The following NCAM2 variants were observed in gnomAD, a reference collection of about 807,000 sequenced individuals.
NCAM2 encodes the protein neural cell adhesion molecule 2.
NCAM2 carries 30 observed loss-of-function variants against 98.1 expected under a neutral mutation model. The observed-to-expected ratio is 0.31, with a 90% CI of 0.23 to 0.41. The LOEUF (loss-of-function observed/expected upper bound fraction) is 0.41, where lower values mean the gene tolerates loss of function less well. Ranked by LOEUF, NCAM2 falls within the 10% of genes least tolerant of loss-of-function variation. The pLI, the probability that NCAM2 is intolerant of heterozygous loss-of-function variation, is 1.00. For synonymous variants in NCAM2, 368 were observed against 342.4 expected (o/e 1.07, Z -0.83); for missense variants, 867 against 1,005.8 (o/e 0.86, Z 1.87).
chr21:21,438,110 A>G (rs1978663706), intron 12 of NCAM2, among the ~76,000 whole-genome samples: 1 of 152,110 alleles, frequency 6.6e-6, no homozygotes, highest in Non-Finnish European at 1.5e-5. Flanking sequence ...TCAACATTTC[A>G]GCTATCTTTT....
chr21:21,436,336 C>G (rs2146052788), intron 12 of NCAM2, among the ~76,000 whole-genome samples: 2 of 152,308 alleles, frequency 1.3e-5, no homozygotes, highest in Middle Eastern at 6.8e-3. Flanking sequence ...CCTTTTAATA[C>G]TTCCCAGAAT....
At chr21:21,454,671 T>A (rs188888959) in intron 12 of NCAM2, among the ~76,000 whole-genome samples, 82 of 152,140 alleles carry the variant, frequency 5.4e-4, no homozygotes, top group African/African-American at 1.8e-3. Context: ...CTAAACTTTG[T>A]GATCCTAGGT....
intron 1 of NCAM2, among the ~76,000 whole-genome samples, chr21:21,017,214 AG>A (rs67629138): frequency 1 from 151,941 of 151,942 alleles, 75,970 homozygotes; most frequent in Non-Finnish European, 1. Flanking sequence ...TCACTAGGTT[AG>A]AGAGATCTAG....
At chr21:21,023,915 TTC>T (rs2064488248) in intron 1 of NCAM2, among the ~76,000 whole-genome samples, 1 of 152,182 alleles carries the variant, frequency 6.6e-6, no homozygotes, top group South Asian at 2.1e-4. Context: ...ACAAATATGT[TTC>T]TGAGGATTTT....
chr21:21,463,143 T>G (rs751538732), intron 12 of NCAM2, among the ~76,000 whole-genome samples: 12 of 152,128 alleles, frequency 7.9e-5, no homozygotes, highest in Non-Finnish European at 1.3e-4. Flanking sequence ...GTAGTTTTCT[T>G]TCAGTCCCTA....
chr21:21,160,980 C>T (rs945768924), intron 1 of NCAM2, among the ~76,000 whole-genome samples: 3 of 151,888 alleles, frequency 2.0e-5, no homozygotes, highest in Admixed American at 6.6e-5. Context: ...TTTCAGTATA[C>T]GTAAGATCAC....
chr21:21,508,432 G>A (rs115106648), intron 15 of NCAM2, among the ~76,000 whole-genome samples: 1 of 152,042 alleles, frequency 6.6e-6, no homozygotes, highest in African/African-American at 2.4e-5. Flanking sequence ...TTTCACAGAA[G>A]TTTTGATTAT....
intron 16 of NCAM2, among the ~76,000 whole-genome samples, chr21:21,528,084 G>A (rs1989426513): frequency 6.6e-6 from 1 of 152,134 alleles, no homozygotes; most frequent in African/African-American, 2.4e-5. Context: ...AGTGAAATAA[G>A]CCAATTTTAA....
At chr21:21,421,447 G>T (rs1000599745) in intron 11 of NCAM2, among the ~76,000 whole-genome samples, 1 of 151,908 alleles carries the variant, frequency 6.6e-6, no homozygotes, top group South Asian at 2.1e-4. Context: ...TCCAGGCTAA[G>T]AATTTGTTTT....
chr21:21,015,327 C>T (rs550655627), intron 1 of NCAM2, among the ~76,000 whole-genome samples: 47 of 152,186 alleles, frequency 3.1e-4, no homozygotes, highest in African/African-American at 1.1e-3. Flanking sequence ...TTGAAAACAC[C>T]GGACATCATT....
intron 9 of NCAM2, among the ~76,000 whole-genome samples, chr21:21,380,910 T>C (rs1434427206): frequency 6.6e-6 from 1 of 152,034 alleles, no homozygotes; most frequent in African/African-American, 2.4e-5. Flanking sequence ...ATACCTCTCT[T>C]TTTCTCTGCT....
At chr21:21,279,035 T>C in intron 1 of NCAM2, among the ~76,000 whole-genome samples, 1 of 152,198 alleles carries the variant, frequency 6.6e-6, no homozygotes. Flanking sequence ...GCCTCATTTA[T>C]ACAACTATTG....
intron 1 of NCAM2, among the ~76,000 whole-genome samples, chr21:21,181,596 C>T (rs909836213): frequency 6.6e-6 from 1 of 152,160 alleles, no homozygotes. Flanking sequence ...GACAGCTGCT[C>T]ATCAATTAGA....
intron 1 of NCAM2, among the ~76,000 whole-genome samples, chr21:21,131,129 A>G (rs2066924008): frequency 6.6e-6 from 1 of 152,208 alleles, no homozygotes; most frequent in South Asian, 2.1e-4. Context: ...GTGTGTTAAC[A>G]CTTATGAAAA....
intron 5 of NCAM2, among the ~76,000 whole-genome samples, chr21:21,310,219 A>C (rs2074002761): frequency 6.6e-6 from 1 of 152,148 alleles, no homozygotes; most frequent in Admixed American, 6.6e-5. Flanking sequence ...TTAATTAATT[A>C]CTTTAATTCT....
intron 1 of NCAM2, among the ~76,000 whole-genome samples, chr21:21,179,868 G>A (rs1017786538): frequency 4.6e-5 from 7 of 152,208 alleles, no homozygotes; most frequent in South Asian, 2.1e-4. Flanking sequence ...TTCTATTGAT[G>A]TGTAACAAAA....
intron 8 of NCAM2, among the ~76,000 whole-genome samples, chr21:21,341,877 C>A (rs568678855): frequency 2.0e-5 from 3 of 152,010 alleles, no homozygotes; most frequent in African/African-American, 7.2e-5. Context: ...TACAGCCCTC[C>A]CCTGTGTGAG....
At chr21:21,208,177 A>G (rs1485764534) in intron 1 of NCAM2, among the ~76,000 whole-genome samples, 1 of 152,206 alleles carries the variant, frequency 6.6e-6, no homozygotes, top group Non-Finnish European at 1.5e-5. Context: ...ATATATTGAA[A>G]ATATACCAAG....
intron 9 of NCAM2, among the ~76,000 whole-genome samples, chr21:21,405,403 A>G (rs1321820075): frequency 6.6e-6 from 1 of 152,142 alleles, no homozygotes; most frequent in Non-Finnish European, 1.5e-5. Flanking sequence ...TAAATGTCCT[A>G]ATTGAAAGTT....
Sources: allele counts gnomAD v4.1 joint callset (sites outside exome capture counted in the v4.1 genomes callset), GRCh38; gene constraint gnomAD v4.1.1; transcripts MANE v1.5; gene names NCBI Gene and HGNC (gene_info 2026-07-23, HGNC 2026-07-21).